The following ANO10 variants were observed in gnomAD, a reference collection of about 807,000 sequenced individuals.
The protein encoded by ANO10 is anoctamin-10.
A neutral mutation model predicts 74.7 loss-of-function variants in ANO10; 77 were observed. The observed-to-expected ratio is 1.03, with a 90% CI of 0.86 to 1.25. ANO10 has a LOEUF of 1.25. Ranked by LOEUF, ANO10 falls within the 50% of genes most tolerant of loss-of-function variation. ANO10 has a pLI of 0.00. For missense variants in ANO10, 721 were observed against 778.1 expected (o/e 0.93, Z 0.87); for synonymous variants, 279 against 284.9 (o/e 0.98, Z 0.21).
chr3:43,566,960 A>G (rs1425534151), intron 7 of ANO10, among the ~76,000 whole-genome samples: 2 of 152,184 alleles, frequency 1.3e-5, no homozygotes, highest in African/African-American at 4.8e-5. Flanking sequence ...ATCTATAACT[A>G]GAATAACCAA....
intron 11 of ANO10, among the ~76,000 whole-genome samples, chr3:43,515,718 G>A (rs912542515): frequency 4.6e-5 from 7 of 152,164 alleles, no homozygotes; most frequent in South Asian, 2.1e-4. Context: ...AGTTGTAGCT[G>A]AAGCTATAAT....
intron 11 of ANO10, among the ~76,000 whole-genome samples, chr3:43,533,683 T>C (rs904945418): frequency 1.3e-5 from 2 of 152,236 alleles, no homozygotes; most frequent in African/African-American, 4.8e-5. Flanking sequence ...ATGGTGAAAC[T>C]GATCCAAATC....
intron 11 of ANO10, among the ~76,000 whole-genome samples, chr3:43,441,297 T>C (rs2093155888): frequency 6.6e-6 from 1 of 151,098 alleles, no homozygotes; most frequent in Non-Finnish European, 1.5e-5. Flanking sequence ...GCTAGACTAA[T>C]GAAGAAAAGA....
Position 43,495,707 on chromosome 3 carries a change from T to A in ANO10, c.1797+54013A>T, listed in dbSNP as rs932368216. 2.0e-4 allele frequency among the ~76,000 whole-genome samples: 29 copies of A among 147,648 alleles called. 1 individual carries two copies. Among genetic ancestry groups the A allele is most frequent in the South Asian group, 4.3e-4 (2 of 4,674 alleles). On this transcript the variant is annotated intron_variant, in intron 11 of 12. Transcript: ENST00000292246. ...GCCTATCCAATTTGTGAAAAAAAAA[T>A]TTTTTTTTTTTGAGATGGAGTCTCA...
intron 10 of ANO10, among the ~76,000 whole-genome samples, chr3:43,550,950 T>G (rs1209674846): frequency 1.3e-5 from 2 of 152,178 alleles, no homozygotes; most frequent in African/African-American, 4.8e-5. Flanking sequence ...TATACACTCT[T>G]TCCTACTCCC....
At chr3:43,475,988 T>C (rs944504611) in intron 11 of ANO10, among the ~76,000 whole-genome samples, 2 of 152,206 alleles carry the variant, frequency 1.3e-5, no homozygotes, top group African/African-American at 2.4e-5. Context: ...GCCATTATCA[T>C]AATTTTTCAG....
intron 11 of ANO10, among the ~76,000 whole-genome samples, chr3:43,497,476 T>G (rs1003220838): frequency 6.6e-6 from 1 of 152,152 alleles, no homozygotes; most frequent in Non-Finnish European, 1.5e-5. Context: ...TTCTGCTCTG[T>G]TTTTCCTGAT....
chr3:43,680,265 T>C (rs112971380), intron 1 of ANO10, among the ~76,000 whole-genome samples: 5,158 of 152,214 alleles, frequency 0.034, 122 homozygotes, highest in South Asian at 0.092. Flanking sequence ...CTGAAAACCA[T>C]GGCACGAGAA....
intron 11 of ANO10, among the ~76,000 whole-genome samples, chr3:43,480,995 A>ACAATTACTAATTGTATAATAATG (rs1430726880): frequency 6.6e-6 from 1 of 152,168 alleles, no homozygotes; most frequent in East Asian, 1.9e-4. Context: ...GTATAATAAT[A>ACAATTACTAATTGTATAATAATG]CAATATACTA....
intron 12 of ANO10, among the ~76,000 whole-genome samples, chr3:43,396,505 A>C (rs2092384913): frequency 6.6e-6 from 1 of 150,916 alleles, no homozygotes; most frequent in South Asian, 2.1e-4. Context: ...CACCCGGCTA[A>C]TTTTTTGTAT....
At chr3:43,376,808 T>G (rs1204253236) in intron 12 of ANO10, among the ~76,000 whole-genome samples, 8 of 152,248 alleles carry the variant, frequency 5.3e-5, no homozygotes, top group Admixed American at 3.9e-4. Flanking sequence ...TAACTAGATC[T>G]ACAGGTGTGA....
chr3:43,607,528 G>GA (rs935123361), intron 1 of ANO10, among the ~76,000 whole-genome samples: 1 of 152,142 alleles, frequency 6.6e-6, no homozygotes, highest in Non-Finnish European at 1.5e-5. Flanking sequence ...CACCAAGGAA[G>GA]ACAGTCAGAT....
chr3:43,593,657 T>C (rs2081927921), intron 4 of ANO10, among the ~76,000 whole-genome samples: 1 of 151,102 alleles, frequency 6.6e-6, no homozygotes. Context: ...GCAAAAAACA[T>C]GCCCAACTGT....
At chr3:43,620,753 A>C (rs1575563429) in intron 1 of ANO10, among the ~76,000 whole-genome samples, 3 of 152,382 alleles carry the variant, frequency 2.0e-5, no homozygotes, top group East Asian at 1.9e-4. Context: ...CGACAGAGCA[A>C]GACTCCGTCT....
At chr3:43,434,790 C>T (rs1359323433) in intron 11 of ANO10, among the ~76,000 whole-genome samples, 1 of 152,190 alleles carries the variant, frequency 6.6e-6, no homozygotes, top group Non-Finnish European at 1.5e-5. Context: ...CCAGATTTTG[C>T]TGCTGTGGTT....
intron 1 of ANO10, chr3:43,690,971 C>A (rs371780182): frequency 1.3e-6 from 2 of 1,569,180 alleles, no homozygotes; most frequent in Non-Finnish European, 8.6e-7. Context: ...AGATAAGTCC[C>A]GGCGCTTGCG....
intron 12 of ANO10, among the ~76,000 whole-genome samples, chr3:43,399,082 A>T (rs1016347328): frequency 1.3e-5 from 2 of 152,168 alleles, no homozygotes; most frequent in Non-Finnish European, 2.9e-5. Context: ...CTCACCTCGA[A>T]CTTCAAAAGT....
At chr3:43,471,843 C>A (rs115567393) in intron 11 of ANO10, among the ~76,000 whole-genome samples, 2 of 152,180 alleles carry the variant, frequency 1.3e-5, no homozygotes, top group Non-Finnish European at 2.9e-5. Context: ...CACTGTGGAA[C>A]AATCTACAGG....
intron 1 of ANO10, among the ~76,000 whole-genome samples, chr3:43,607,407 A>G (rs1226532985): frequency 6.6e-6 from 1 of 152,068 alleles, no homozygotes; most frequent in Non-Finnish European, 1.5e-5. Flanking sequence ...CAGAAAGCTA[A>G]GCACTTGCAA....
Sources: gnomAD v4.1 joint callset for allele counts (sites outside exome capture counted in the v4.1 genomes callset) on GRCh38, gnomAD v4.1.1 for gene constraint, MANE v1.5 for transcripts, NCBI Gene and HGNC (gene_info 2026-07-23, HGNC 2026-07-21) for gene names.